Variants in ARHGEF37 observed in about 807,000 individuals in gnomAD.
ARHGEF37 encodes the protein Rho guanine nucleotide exchange factor 37, also known as Rho guanine nucleotide exchange factor (GEF) 37.
ARHGEF37 carries 55 observed loss-of-function variants against 71.1 expected under a neutral mutation model. The ratio of observed to expected loss-of-function variants is 0.77; its 90% CI spans 0.62 to 0.97. The LOEUF is 0.97. ARHGEF37 is among the 50% of genes least tolerant of loss of function. ARHGEF37 has a pLI of 0.00. For missense variants in ARHGEF37, 765 were observed against 836.8 expected (o/e 0.91, Z 1.06); for synonymous variants, 327 against 350.6 (o/e 0.93, Z 0.75).
At chr5:149,587,396 T>C (rs1373113569) in intron 1 of ARHGEF37, among the ~76,000 whole-genome samples, 1 of 152,208 alleles carries the variant, frequency 6.6e-6, no homozygotes, top group Admixed American at 6.5e-5. Context: ...AAACCACAGC[T>C]ACTATAATTG....
At chr5:149,623,628 G>C (rs933706214) in intron 9 of ARHGEF37, among the ~76,000 whole-genome samples, 6 of 152,284 alleles carry the variant, frequency 3.9e-5, no homozygotes, top group Middle Eastern at 3.4e-3. Flanking sequence ...TTCCTGATTG[G>C]TCCATCAGAG....
chr5:149,619,544 G>A (rs1177405506), intron 7 of ARHGEF37, among the ~76,000 whole-genome samples: 1 of 152,116 alleles, frequency 6.6e-6, no homozygotes, highest in Admixed American at 6.5e-5. Flanking sequence ...CCTCAGCTCT[G>A]GGGGGTTGTT....
chr5:149,551,868 C>T (rs1304841188), upstream of ARHGEF37: 3 of 152,242 alleles, frequency 2.0e-5, no homozygotes, highest in African/African-American at 7.2e-5. Context: ...AACCCAGTTT[C>T]TGTTTGGAAA....
intron 1 of ARHGEF37, among the ~76,000 whole-genome samples, chr5:149,585,412 T>C (rs530687680): frequency 1.3e-5 from 2 of 152,178 alleles, no homozygotes; most frequent in Admixed American, 1.3e-4. Context: ...TGCTAAGCAA[T>C]GGAAAGTAAC....
intron 12 of ARHGEF37, 91 bp from the exon 13 acceptor site, chr5:149,631,891 G>A: frequency 7.4e-7 from 1 of 1,351,484 alleles, no homozygotes; most frequent in Non-Finnish European, 1.0e-6. Context: ...CGAGAGCCAG[G>A]TGGATGGGAA....
At chr5:149,576,002 T>C (rs997141229) in intron 1 of ARHGEF37, among the ~76,000 whole-genome samples, 1 of 151,984 alleles carries the variant, frequency 6.6e-6, no homozygotes, top group Non-Finnish European at 1.5e-5. Context: ...TCCCAGCACT[T>C]TGGGAGGCCG....
chr5:149,623,634 C>T (rs1049470212), intron 9 of ARHGEF37, among the ~76,000 whole-genome samples: 3 of 152,184 alleles, frequency 2.0e-5, no homozygotes, highest in African/African-American at 7.2e-5. Context: ...ATTGGTCCAT[C>T]AGAGTCTGCT....
rs748533249 is a variant in ARHGEF37, at chr5:149,601,222, C to T, written c.301C>T (p.Gln101Ter). 7 of 1,611,542 alleles carry T rather than the reference C, an allele frequency of 4.3e-6. No individual in the cohort carries two copies. The highest frequency in any genetic ancestry group is 1.3e-5 in the African/African-American group (1 of 74,992). ...AGCCTCCAAGGAAGAGGAACAAGTG[C>T]AGCTAGTTGGTAAGCAAAAAACCTA... ...ETASKEEEQV[Q>*]LVGNIFLEFQ... Residue 101 changes from glutamine to a stop codon, truncating the protein, a stop_gained, in exon 3 of 13, where the codon CAG becomes TAG. Transcript: ENST00000333677. LOFTEE classifies it high-confidence loss of function.
intron 4 of ARHGEF37, among the ~76,000 whole-genome samples, chr5:149,611,697 G>C (rs1279672123): frequency 1.3e-5 from 2 of 152,224 alleles, no homozygotes; most frequent in African/African-American, 4.8e-5. Context: ...TTGCACACGA[G>C]TGACACTCAA....
intron 1 of ARHGEF37, among the ~76,000 whole-genome samples, chr5:149,592,913 G>A (rs907233557): frequency 5.3e-5 from 8 of 152,218 alleles, no homozygotes; most frequent in African/African-American, 1.9e-4. Context: ...GGGATTACAG[G>A]TGCCCACCAC....
chr5:149,573,667 T>C (rs2113250133), intron 1 of ARHGEF37, among the ~76,000 whole-genome samples: 1 of 152,322 alleles, frequency 6.6e-6, no homozygotes, highest in South Asian at 2.1e-4. Flanking sequence ...ACAGGAACTT[T>C]TTCTGTCCTG....
chr5:149,554,724 T>A lies in ARHGEF37; in HGVS notation c.-12+2601T>A, dbSNP rs572400349. ...TCAGCCTTCTTCTTAAAGTCATGTA[T>A]CATTTGCAGTAATTTTAGCCTAAAA... On this transcript the variant is annotated intron_variant, in intron 1 of 2. Coordinates refer to the ARHGEF37 transcript ENST00000505810. Among the ~76,000 whole-genome samples, 4 of 152,108 alleles carry A rather than the reference T, an allele frequency of 2.6e-5. No homozygotes were observed. The East Asian group carries it at 7.7e-4, about 29-fold the overall frequency.
intron 6 of ARHGEF37, 58 bp downstream of exon 6, chr5:149,618,364 CACAGTGGGTAG>C: frequency 6.2e-7 from 1 of 1,609,450 alleles, no homozygotes; most frequent in Non-Finnish European, 8.5e-7. Flanking sequence ...CCAGGCCCTG[CACAGTGGGTAG>C]ACAGGGGACT....
intron 1 of ARHGEF37, among the ~76,000 whole-genome samples, chr5:149,590,377 G>T (rs1382317404): frequency 6.6e-6 from 1 of 151,274 alleles, no homozygotes; most frequent in Non-Finnish European, 1.5e-5. Flanking sequence ...TGCCTCCCGG[G>T]TTCAAGTAAT....
Position 149,598,268 on chromosome 5 carries a change from CTTCT to C in ARHGEF37, c.186+315_186+318del, listed in dbSNP as rs1561794480. Among the ~76,000 whole-genome samples, 278 of 119,416 alleles carry C rather than the reference CTTCT, an allele frequency of 2.3e-3. 3 individuals are homozygous for C. Among genetic ancestry groups the C allele is most frequent in the African/African-American group, 9.2e-3 (232 of 25,298 alleles). The allele number at this position is 119,416 out of a possible 152,430, so 78.3% of individuals were successfully genotyped here. A position where few individuals can be genotyped will look rare whatever the true frequency, so the allele number is the denominator to read the frequency against. ...GAACAGATTGCTTAAACTGACTCTTCTTCTTCTTCTTCTTCTTCTTCTTCTTCTT... is the reference window on the plus strand; with the variant it reads ...GAACAGATTGCTTAAACTGACTCTTCTCTTCTTCTTCTTCTTCTTCTTCTT... On this transcript the variant is annotated intron_variant, in intron 2 of 12. Transcript: ENST00000333677.
At chr5:149,558,392 G>C (rs1297980642) in intron 1 of ARHGEF37, among the ~76,000 whole-genome samples, 1 of 152,174 alleles carries the variant, frequency 6.6e-6, no homozygotes, top group African/African-American at 2.4e-5. Context: ...TATAATCCCA[G>C]CTACTCAGGA....
At position 149,598,342 on chromosome 5, in the gene ARHGEF37, TTCC is replaced by T. The variant is rs199783931; in HGVS notation, c.186+390_186+392del. Among the ~76,000 whole-genome samples, 262 of 136,472 alleles carry T rather than the reference TTCC, an allele frequency of 1.9e-3. 1 individual carries two copies. Among genetic ancestry groups the T allele is most frequent in the Non-Finnish European group, 2.4e-3 (147 of 62,358 alleles). 89.5% of individuals were successfully genotyped at this position (136,472 alleles called of 152,430 possible). On this transcript the variant is annotated intron_variant, in intron 2 of 12. Transcript: ENST00000333677. ...TTCTTCTTCTTTCTTCCTCTTCCTC[TTCC>T]TCTTCTTCTTCCTCTTCCTCTTCTT...
At position 149,624,063 on chromosome 5, in the gene ARHGEF37, G is replaced by C; in HGVS notation, c.1387G>C (p.Ala463Pro). The C allele has an allele frequency of 6.2e-7, 1 of 1,610,184 alleles. No homozygotes were observed. Among genetic ancestry groups the C allele is most frequent in the Non-Finnish European group, 8.5e-7 (1 of 1,176,734 alleles). ...EPAFRKLVEDALGRTSNQLRS... is the reference protein window; with the variant it reads ...EPAFRKLVEDPLGRTSNQLRS... The stretch of plus-strand genomic sequence containing the variant: ...TGCCTTCAGGAAGCTGGTGGAGGAC[G>C]CACTGGGCCGGACGAGTAACCAGCT... Residue 463 changes from alanine (A) to proline (P), a missense_variant, in exon 10 of 13, where the codon GCA becomes CCA. Ala to Pro is a conservative substitution (Grantham distance 27, BLOSUM62 -1). Around this residue, in one of 5 missense-constraint regions of ARHGEF37, gnomAD observed 390 missense variants for 407.4 expected, o/e 0.96. Coordinates refer to ENST00000333677, the MANE Select transcript of ARHGEF37 (RefSeq NM_001001669.3).
In ARHGEF37 at chr5:149,632,068, G is replaced by A; in HGVS notation, c.1905G>A (p.Gln635=). 1 of 1,614,256 alleles carries A rather than the reference G, an allele frequency of 6.2e-7. No homozygotes were observed. The change falls in exon 13 of 13, where the codon CAG becomes CAA. Residue 635 remains glutamine (Q), a synonymous_variant. Transcript: ENST00000333677. ...AGQPVTILEA[Q]DKKGNPEWSL... ...AGCCTGTGACCATCCTGGAGGCCCAGGACAAGAAGGGGAACCCTGAGTGGA... is the reference window on the plus strand; with the variant it reads ...AGCCTGTGACCATCCTGGAGGCCCAAGACAAGAAGGGGAACCCTGAGTGGA...
Sources: allele counts gnomAD v4.1 joint callset (sites outside exome capture counted in the v4.1 genomes callset), GRCh38; gene constraint gnomAD v4.1.1; regional missense constraint gnomAD v4.1.1; transcripts MANE v1.5; gene names NCBI Gene and HGNC (gene_info 2026-07-23, HGNC 2026-07-21).